The following HEMK2 variants were observed in gnomAD, a reference collection of about 807,000 sequenced individuals.
The protein encoded by HEMK2 is HemK methyltransferase 2, ETF1 glutamine and histone H4 lysine, also known as methyltransferase HEMK2.
chr21:28,695,461 G>GT, the HEMK2 span, among the ~76,000 whole-genome samples: 1 of 152,074 alleles, frequency 6.6e-6, no homozygotes, highest in Admixed American at 6.5e-5. Context: ...GCATAGCTAG[G>GT]GAGGCCTCAC....
At chr21:28,645,459 G>A in the HEMK2 span, among the ~76,000 whole-genome samples, 1 of 151,948 alleles carries the variant, frequency 6.6e-6, no homozygotes. Context: ...AGGTACTGAA[G>A]GATTAAGAAA....
the HEMK2 span, among the ~76,000 whole-genome samples, chr21:28,806,690 C>T: frequency 6.6e-6 from 1 of 152,078 alleles, no homozygotes; most frequent in Non-Finnish European, 1.5e-5. Context: ...CATAGACATG[C>T]AGAGAGAAAA....
At chr21:28,588,600 A>C in the HEMK2 span, among the ~76,000 whole-genome samples, 1 of 152,232 alleles carries the variant, frequency 6.6e-6, no homozygotes, top group Non-Finnish European at 1.5e-5. Context: ...TGAAAGGTAC[A>C]AAAGTTGAAA....
At chr21:28,800,140 G>A in the HEMK2 span, among the ~76,000 whole-genome samples, 1 of 152,202 alleles carries the variant, frequency 6.6e-6, no homozygotes, top group Non-Finnish European at 1.5e-5. Context: ...CGTTGGTTGG[G>A]AAATCAAAAC....
chr21:28,577,914 T>C, the HEMK2 span, among the ~76,000 whole-genome samples: 1 of 152,224 alleles, frequency 6.6e-6, no homozygotes, highest in African/African-American at 2.4e-5. Flanking sequence ...TTTATATCGA[T>C]TGTTTTAATG....
the HEMK2 span, among the ~76,000 whole-genome samples, chr21:28,599,832 T>C: frequency 9.9e-5 from 15 of 152,066 alleles, no homozygotes; most frequent in Admixed American, 6.5e-5. Context: ...ATGAAAGAAA[T>C]TGGCCAAAAC....
the HEMK2 span, among the ~76,000 whole-genome samples, chr21:28,771,075 G>A: frequency 1.3e-5 from 2 of 152,132 alleles, no homozygotes; most frequent in African/African-American, 2.4e-5. Context: ...ACTGTGATAA[G>A]TACTTCAGAA....
the HEMK2 span, among the ~76,000 whole-genome samples, chr21:28,809,630 A>G: frequency 6.6e-6 from 1 of 152,232 alleles, no homozygotes; most frequent in African/African-American, 2.4e-5. Flanking sequence ...GTCTAATCCT[A>G]TAAGAATGGC....
the HEMK2 span, among the ~76,000 whole-genome samples, chr21:28,820,698 T>C: frequency 2.0e-4 from 30 of 152,304 alleles, no homozygotes; most frequent in Admixed American, 3.3e-4. Flanking sequence ...TTTTTGTGAG[T>C]TGATTTTTCA....
At chr21:28,704,614 T>C in the HEMK2 span, among the ~76,000 whole-genome samples, 1 of 148,652 alleles carries the variant, frequency 6.7e-6, no homozygotes, top group East Asian at 2.0e-4. Flanking sequence ...GAAATGCAGG[T>C]AGGTTTTGAA....
the HEMK2 span, among the ~76,000 whole-genome samples, chr21:28,721,900 T>TCA: frequency 0.13 from 17,151 of 127,094 alleles, 1,179 homozygotes; most frequent in Admixed American, 0.17. Context: ...TTCTTAACCA[T>TCA]CACACACACA....
At chr21:28,621,667 C>T in the HEMK2 span, among the ~76,000 whole-genome samples, 2 of 152,146 alleles carry the variant, frequency 1.3e-5, no homozygotes, top group East Asian at 3.9e-4. Flanking sequence ...GTGGATCTCA[C>T]AAAGTACATT....
chr21:28,882,871 T>A, the HEMK2 span: 8 of 621,488 alleles, frequency 1.3e-5, no homozygotes, highest in Admixed American at 3.3e-5. Flanking sequence ...GTAATCTGAG[T>A]TTTTGCTATG....
the HEMK2 span, among the ~76,000 whole-genome samples, chr21:28,661,975 A>G: frequency 6.6e-6 from 1 of 152,206 alleles, no homozygotes; most frequent in African/African-American, 2.4e-5. Flanking sequence ...GAACAGAGAG[A>G]AAGTACCATA....
chr21:28,842,945 A>G, the HEMK2 span, among the ~76,000 whole-genome samples: 1 of 152,154 alleles, frequency 6.6e-6, no homozygotes, highest in Non-Finnish European at 1.5e-5. Flanking sequence ...GGGAGATAGC[A>G]TCAAATTACT....
At chr21:28,704,003 T>C in the HEMK2 span, among the ~76,000 whole-genome samples, 1 of 152,326 alleles carries the variant, frequency 6.6e-6, no homozygotes, top group Admixed American at 6.5e-5. Flanking sequence ...TGTGAACCCA[T>C]ACAACATGTC....
the HEMK2 span, chr21:28,885,292 G>A: frequency 1.1e-5 from 17 of 1,591,756 alleles, no homozygotes; most frequent in Non-Finnish European, 1.2e-5. Flanking sequence ...CGTCGCTGAA[G>A]GCGCCGCGGC....
the HEMK2 span, among the ~76,000 whole-genome samples, chr21:28,790,228 A>G: frequency 3.3e-5 from 5 of 152,348 alleles, no homozygotes; most frequent in Admixed American, 3.3e-4. Flanking sequence ...CAGAAATGTG[A>G]TTCCATTTTG....
At chr21:28,664,173 G>A in the HEMK2 span, among the ~76,000 whole-genome samples, 6 of 152,034 alleles carry the variant, frequency 3.9e-5, no homozygotes, top group Non-Finnish European at 7.4e-5. Context: ...TCATTTGTTT[G>A]AGTATAAGAA....
Sources: gnomAD v4.1 joint callset for allele counts (sites outside exome capture counted in the v4.1 genomes callset) on GRCh38, gnomAD v4.1.1 for gene constraint, MANE v1.5 for transcripts, NCBI Gene and HGNC (gene_info 2026-07-23, HGNC 2026-07-21) for gene names.